Variants in IRAG1 observed in about 807,000 individuals in gnomAD.
IRAG1 encodes the protein inositol 1,4,5-triphosphate receptor associated 1.
A neutral mutation model predicts 106.2 loss-of-function variants in IRAG1; 62 were observed. The observed-to-expected ratio is 0.58, with a 90% confidence interval of 0.48 to 0.72. The LOEUF is 0.72. Among genes scored for constraint, IRAG1 ranks in the 30% least tolerant of loss-of-function variants. The pLI, the probability that IRAG1 is intolerant of heterozygous loss-of-function variation, is 0.00. For missense variants in IRAG1, 1,064 were observed against 1,140.7 expected, an observed-to-expected ratio of 0.93 and a Z score of 0.97; for synonymous variants, 462 against 443.9, an observed-to-expected ratio of 1.04 and a Z score of -0.51.
chr11:10,633,219 C>T (rs111881846), intron 3 of IRAG1, among the ~76,000 whole-genome samples: 14 of 151,896 alleles, frequency 9.2e-5, no homozygotes, highest in Middle Eastern at 3.4e-3. Context: ...GGACTACAGG[C>T]GCCCGCCACC....
intron 1 of IRAG1, among the ~76,000 whole-genome samples, chr11:10,669,807 G>C (rs143042912): frequency 6.6e-6 from 1 of 152,236 alleles, no homozygotes; most frequent in East Asian, 1.9e-4. Flanking sequence ...GGTTATCTGG[G>C]GGCAAATCGG....
chr11:10,675,206 T>C (rs1860556935), intron 1 of IRAG1, among the ~76,000 whole-genome samples: 1 of 152,202 alleles, frequency 6.6e-6, no homozygotes, highest in Admixed American at 6.5e-5. Flanking sequence ...CTTTCCACCC[T>C]GGACTGGGCC....
At chr11:10,689,574 T>A (rs1431465100) in intron 1 of IRAG1, among the ~76,000 whole-genome samples, 1 of 152,186 alleles carries the variant, frequency 6.6e-6, no homozygotes, top group Non-Finnish European at 1.5e-5. Context: ...AGCCATCATG[T>A]CACATGTGCC....
intron 5 of IRAG1, 55 bp downstream of exon 5, chr11:10,629,483 C>T: frequency 1.3e-6 from 2 of 1,563,504 alleles, no homozygotes; most frequent in Non-Finnish European, 1.7e-6. Context: ...CCAGGCCCTT[C>T]CCTCCCGACC....
Position 10,693,736 on chromosome 11 carries a change from C to A in IRAG1, c.-134G>T. ...GCTCCTCTGGGAGCCCCACTCCGGCCTGGCTCGGGGGATAATGGCAGGGAA... is the reference window on the plus strand; with the variant it reads ...GCTCCTCTGGGAGCCCCACTCCGGCATGGCTCGGGGGATAATGGCAGGGAA... On this transcript the variant is annotated 5_prime_UTR_variant, in exon 1 of 21. The change creates a new upstream start codon in the 5' untranslated region. Transcript: ENST00000423302. 9.3e-7 allele frequency: 1 copy of A among 1,070,160 alleles called. No homozygotes were observed. The highest frequency in any genetic ancestry group is 2.4e-5 in the Admixed American group (1 of 41,514). 66.3% of individuals were successfully genotyped at this position (1,070,160 alleles called of 1,614,324 possible).
intron 1 of IRAG1, among the ~76,000 whole-genome samples, chr11:10,680,217 G>C (rs1019957910): frequency 2.7e-5 from 4 of 145,944 alleles, no homozygotes; most frequent in African/African-American, 1.0e-4. Flanking sequence ...AGGTTGCAGT[G>C]AGCAGAGATT....
intron 1 of IRAG1, among the ~76,000 whole-genome samples, chr11:10,667,849 T>C (rs1859905555): frequency 6.6e-6 from 1 of 152,216 alleles, no homozygotes; most frequent in Non-Finnish European, 1.5e-5. Flanking sequence ...TGGGAATCTG[T>C]ATGGCTAAAA....
intron 18 of IRAG1, among the ~76,000 whole-genome samples, chr11:10,585,538 T>C (rs1851870074): frequency 6.6e-6 from 1 of 151,906 alleles, no homozygotes; most frequent in South Asian, 2.1e-4. Context: ...AGTAATACCT[T>C]CTTGGGTCAT....
chr11:10,616,965 G>A (rs1855481375), intron 10 of IRAG1: 4 of 934,566 alleles, frequency 4.3e-6, no homozygotes, highest in African/African-American at 1.8e-5. Context: ...TACTTTTGGA[G>A]CTCTGAAAGA....
chr11:10,622,812 C>A (rs941255407), intron 10 of IRAG1, among the ~76,000 whole-genome samples: 1 of 151,188 alleles, frequency 6.6e-6, no homozygotes, highest in Non-Finnish European at 1.5e-5. Context: ...CATACAATTT[C>A]ATTCGTTCAT....
Position 10,687,878 on chromosome 11 carries a change from G to GC in IRAG1, c.67+5657_67+5658insG, listed in dbSNP as rs1861780718. On this transcript the variant is annotated intron_variant, in intron 1 of 20. Coordinates refer to ENST00000423302, the MANE Select transcript of IRAG1 (RefSeq NM_130385.4). ...AGGGATTTAGCTTTGCTTTTTTTTGGGGGGGGGTGGTATTTAACTTTGTAA... is the reference window on the plus strand; with the variant it reads ...AGGGATTTAGCTTTGCTTTTTTTTGGCGGGGGGGTGGTATTTAACTTTGTAA... 3.9e-6 allele frequency: 4 copies of GC among 1,035,664 alleles called. No homozygotes were observed. The African/African-American group carries it at 5.4e-5, about 14-fold the overall frequency. 64.2% of individuals were successfully genotyped at this position (1,035,664 alleles called of 1,614,324 possible).
chr11:10,616,949 A>T, intron 10 of IRAG1: 1 of 856,282 alleles, frequency 1.2e-6, no homozygotes, highest in East Asian at 1.2e-4. Context: ...AGGGACTTGG[A>T]AAAATTACTT....
chr11:10,650,550 C>T (rs4910164), intron 2 of IRAG1, among the ~76,000 whole-genome samples: 61,937 of 151,854 alleles, frequency 0.41, 12,846 homozygotes, highest in African/African-American at 0.44. Flanking sequence ...GAGTCCAGGG[C>T]GAGGAAATAG....
chr11:10,640,074 C>A (rs1291519792), intron 2 of IRAG1, among the ~76,000 whole-genome samples: 1 of 152,188 alleles, frequency 6.6e-6, no homozygotes, highest in Non-Finnish European at 1.5e-5. Context: ...GTAACCTCCA[C>A]TGCTATTACT....
intron 1 of IRAG1, among the ~76,000 whole-genome samples, chr11:10,660,397 C>T (rs1330953386): frequency 2.0e-5 from 3 of 152,206 alleles, no homozygotes; most frequent in Non-Finnish European, 4.4e-5. Context: ...TGATTTGCTA[C>T]TGCCCATCTC....
intron 18 of IRAG1, among the ~76,000 whole-genome samples, chr11:10,587,014 T>C (rs1393957985): frequency 6.6e-6 from 1 of 152,210 alleles, no homozygotes; most frequent in Non-Finnish European, 1.5e-5. Flanking sequence ...TCTGTAATCA[T>C]GGCTATAAAC....
chr11:10,591,354 A>C lies in IRAG1; in HGVS notation c.2240+194T>G, dbSNP rs142105497. Among the ~76,000 whole-genome samples the C allele has an allele frequency of 6.1e-3, 923 of 152,328 alleles. 8 individuals are homozygous for C. The highest frequency in any genetic ancestry group is 9.6e-3 in the Non-Finnish European group (650 of 68,038). Reference sequence around the variant, plus strand: ...AGATTGGGTACACTTGGCCTCACTCAGGGCATCTTCCTGGTTCAAGAATTT... The same window carrying C: ...AGATTGGGTACACTTGGCCTCACTCCGGGCATCTTCCTGGTTCAAGAATTT... On this transcript the variant is annotated intron_variant, in intron 18 of 20. Transcript: ENST00000423302.
chr11:10,585,114 G>A (rs1038215300), intron 18 of IRAG1, among the ~76,000 whole-genome samples: 2 of 152,124 alleles, frequency 1.3e-5, no homozygotes, highest in Non-Finnish European at 2.9e-5. Context: ...TTTCTCAGGT[G>A]CATGTCTATT....
intron 19 of IRAG1, among the ~76,000 whole-genome samples, chr11:10,581,561 G>A (rs989807156): frequency 6.6e-6 from 1 of 152,008 alleles, no homozygotes. Context: ...GAAGCCTCAG[G>A]CACCACCAAG....
Sources: allele counts gnomAD v4.1 joint callset (sites outside exome capture counted in the v4.1 genomes callset), GRCh38; gene constraint gnomAD v4.1.1; transcripts MANE v1.5; gene names NCBI Gene and HGNC (gene_info 2026-07-23, HGNC 2026-07-21).